NHSL1: variants seen among roughly 807,000 people sequenced by gnomAD.
NHSL1 encodes NHS like 1.
In NHSL1, 48 loss-of-function variants were observed where a neutral mutation model predicts 95.0. The observed-to-expected ratio is 0.51, with a 90% confidence interval of 0.40 to 0.64. The LOEUF (loss-of-function observed/expected upper bound fraction) is 0.64, where lower values mean the gene tolerates loss of function less well. Among genes scored for constraint, NHSL1 ranks in the 30% least tolerant of loss-of-function variants. NHSL1 has a pLI of 0.00. For synonymous variants in NHSL1, 783 were observed against 833.9 expected (o/e 0.94, Z 1.05); for missense variants, 1,971 against 2,077.7 (o/e 0.95, Z 1.00).
Position 138,473,159 on chromosome 6 carries a change from C to T in NHSL1, c.339+147G>A, listed in dbSNP as rs561683644. The T allele has an allele frequency of 8.1e-6, 5 of 616,860 alleles. No individual in the cohort carries two copies. In the East Asian group the frequency reaches 1.0e-4, roughly 13 times the overall value. The allele number at this position is 616,860 out of a possible 1,614,324, so 38.2% of individuals were successfully genotyped here. A position where few individuals can be genotyped will look rare whatever the true frequency, so the allele number is the denominator to read the frequency against. ...TTATGTTACTCTTACATAATTATGG[C>T]GCATTTGTCAAAACCAAGAAATTCA... On this transcript the variant is annotated intron_variant, in intron 3 of 7. Coordinates refer to ENST00000343505, the MANE Select transcript of NHSL1 (RefSeq NM_001144060.2).
intron 1 of NHSL1, among the ~76,000 whole-genome samples, chr6:138,579,766 TA>T (rs1355267355): frequency 6.6e-6 from 1 of 152,244 alleles, no homozygotes; most frequent in African/African-American, 2.4e-5. Flanking sequence ...AGTAGATGTT[TA>T]AAAAATTACA....
intron 4 of NHSL1, among the ~76,000 whole-genome samples, chr6:138,444,108 T>C (rs1776706869): frequency 6.6e-6 from 1 of 152,170 alleles, no homozygotes; most frequent in South Asian, 2.1e-4. Flanking sequence ...AAAGCAGTTA[T>C]TCAATAAATA....
rs1469178696 is a variant in NHSL1 at position 138,692,176 on chromosome 6, CCAAA to C, written c.96+296_96+299del. ...TCTGTCTACAGCGCCCCGGGGTCTC[CCAAA>C]CAGACAGACACAGACAGACAGAAGG... On this transcript the variant is annotated intron_variant, in intron 1 of 3. Transcript: ENST00000491526. This position sits in a 1 kb window ranked among gnomAD's most constrained non-coding sequence, Gnocchi z 4.0. 1.1e-5 allele frequency: 5 copies of C among 456,632 alleles called. No individual in the cohort carries two copies. The highest frequency in any genetic ancestry group is 1.8e-5 in the Non-Finnish European group (4 of 226,980). The allele number at this position is 456,632 out of a possible 1,614,324, so 28.3% of individuals were successfully genotyped here. A position where few individuals can be genotyped will look rare whatever the true frequency, so the allele number is the denominator to read the frequency against.
chr6:138,497,415 G>A (rs1780419407), intron 1 of NHSL1, among the ~76,000 whole-genome samples: 1 of 152,196 alleles, frequency 6.6e-6, no homozygotes, highest in Non-Finnish European at 1.5e-5. Flanking sequence ...TTGTGAGTGA[G>A]GAGCAAGTCT....
Position 138,432,017 on chromosome 6 carries a change from G to A in NHSL1, c.2328C>T (p.Tyr776=). 6.4e-7 allele frequency: 1 copy of A among 1,551,712 alleles called. No individual in the cohort carries two copies. The highest frequency in any genetic ancestry group is 2.4e-5 in the East Asian group (1 of 40,908). ...QSDTSSVKSE[Y]TDPWGYYIDY... ...CAATGTAATAACCCCAGGGGTCCGT[G>A]TACTCTGACTTGACGCTGCTTGTGT... The change falls in exon 6 of 8, where the codon TAC becomes TAT. Residue 776 remains tyrosine, a synonymous_variant. Transcript: ENST00000343505. This position sits in a 1 kb window ranked among gnomAD's most constrained non-coding sequence, Gnocchi z 4.4.
intron 2 of NHSL1, among the ~76,000 whole-genome samples, chr6:138,480,885 G>C (rs1779378931): frequency 1.3e-5 from 2 of 152,152 alleles, no homozygotes; most frequent in South Asian, 2.1e-4. Flanking sequence ...TACCTGATTT[G>C]TGTTTACAAT....
At chr6:138,636,242 A>G (rs551483665) in intron 1 of NHSL1, among the ~76,000 whole-genome samples, 3 of 152,270 alleles carry the variant, frequency 2.0e-5, no homozygotes, top group African/African-American at 7.2e-5. Context: ...CACCTTCAAA[A>G]AAACTCGGTA....
rs774540847 is a variant in NHSL1 at position 138,432,576 on chromosome 6, G to A, written c.1769C>T (p.Thr590Met). 1.2e-5 allele frequency: 19 copies of A among 1,551,594 alleles called. No individual in the cohort carries two copies. The highest frequency in any genetic ancestry group is 2.4e-5 in the East Asian group (1 of 40,914). Residue 590 changes from threonine (T) to methionine (M), a missense_variant, in exon 6 of 8, where the codon ACG (threonine) becomes ATG (methionine). Coordinates refer to ENST00000343505, the MANE Select transcript of NHSL1 (RefSeq NM_001144060.2). The surrounding 1 kb of genome is among the most constrained non-coding windows in gnomAD (Gnocchi z 4.4). ...CGACCCAGCATCCTCTTTGTTGGACGTTTGGTCCAAACTGCAGCTGCTCAT... is the reference window on the plus strand; with the variant it reads ...CGACCCAGCATCCTCTTTGTTGGACATTTGGTCCAAACTGCAGCTGCTCAT... ...SNMSSCSLDQTSNKEDAGSLY... is the reference protein window; with the variant it reads ...SNMSSCSLDQMSNKEDAGSLY...
intron 4 of NHSL1, among the ~76,000 whole-genome samples, chr6:138,444,472 C>T (rs533074397): frequency 6.6e-5 from 10 of 152,142 alleles, no homozygotes; most frequent in African/African-American, 1.7e-4. Context: ...CGAGTGCCCA[C>T]AAGACTATAA....
At chr6:138,623,528 ATATT>A (rs550339294) in intron 1 of NHSL1, among the ~76,000 whole-genome samples, 193 of 152,302 alleles carry the variant, frequency 1.3e-3, no homozygotes, top group African/African-American at 4.5e-3. Flanking sequence ...TGTGGTGAGA[ATATT>A]TAAAGGTCTA....
rs556235363 is a variant in NHSL1 at position 138,480,554 on chromosome 6, G to C, written c.212-7121C>G. 9.9e-5 allele frequency among the ~76,000 whole-genome samples: 15 copies of C among 152,224 alleles called. No individual in the cohort carries two copies. The South Asian group carries it at 3.1e-3, about 32-fold the overall frequency. ...TGACGTGTATGAGTATGAGCTCCTA[G>C]GAAAGTTTTGAAACATTCAGGTCAA... is the stretch of plus-strand genomic sequence containing the variant. On this transcript the variant is annotated intron_variant, in intron 2 of 7. Coordinates refer to ENST00000343505, the MANE Select transcript of NHSL1 (RefSeq NM_001144060.2).
intron 1 of NHSL1, among the ~76,000 whole-genome samples, chr6:138,611,465 A>G (rs34350126): frequency 2.1e-3 from 316 of 152,306 alleles, no homozygotes; most frequent in Non-Finnish European, 3.6e-3. Context: ...AAAGGCTGCC[A>G]TGCCACCACG....
At chr6:138,461,073 GC>G (rs1169480586) in intron 3 of NHSL1, among the ~76,000 whole-genome samples, 5 of 152,072 alleles carry the variant, frequency 3.3e-5, no homozygotes. Context: ...TTGAGACCAG[GC>G]CCAATGTTTT....
chr6:138,602,642 C>T (rs994426433), intron 1 of NHSL1, among the ~76,000 whole-genome samples: 1 of 152,100 alleles, frequency 6.6e-6, no homozygotes, highest in African/African-American at 2.4e-5. Flanking sequence ...CATGCCCAGC[C>T]GGTTATTGTA....
rs1314588816 is a variant in NHSL1, at chr6:138,602,672, T to A, written c.96+89804A>T. Reference sequence around the variant, plus strand: ...ATTGTATTTTTAATTTCAGTTTCCATGGAAATGCAAATTTTGTTAGATTTA... The same window carrying A: ...ATTGTATTTTTAATTTCAGTTTCCAAGGAAATGCAAATTTTGTTAGATTTA... On this transcript the variant is annotated intron_variant, in intron 1 of 3. Transcript: ENST00000491526. 3.9e-5 allele frequency among the ~76,000 whole-genome samples: 6 copies of A among 152,204 alleles called. No individual in the cohort carries two copies. The East Asian group carries it at 1.2e-3, about 29-fold the overall frequency.
At chr6:138,571,808 G>C (rs1314856960) in exon 1 of NHSL1, 1 of 1,552,160 alleles carries the variant, frequency 6.4e-7, no homozygotes, top group South Asian at 1.2e-5. Context: ...CAGCCTCTTT[G>C]TCTGCCTGGA....
chr6:138,476,186 C>A (rs1474645503), intron 2 of NHSL1, among the ~76,000 whole-genome samples: 4 of 152,120 alleles, frequency 2.6e-5, no homozygotes, highest in Admixed American at 6.5e-5. Flanking sequence ...AAAAAAGATA[C>A]CTGCACTCAT....
At chr6:138,523,557 C>T (rs1393770474) in intron 1 of NHSL1, among the ~76,000 whole-genome samples, 3 of 143,790 alleles carry the variant, frequency 2.1e-5, no homozygotes, top group Non-Finnish European at 4.5e-5. Context: ...CATCTTCCCG[C>T]TTTGGCGTCC....
At chr6:138,426,233 G>A (rs186757563) in intron 7 of NHSL1, among the ~76,000 whole-genome samples, 2 of 152,348 alleles carry the variant, frequency 1.3e-5, no homozygotes, top group Admixed American at 1.3e-4. Flanking sequence ...AGCAGGGAAA[G>A]GTTGAGAGTA....
Sources: gnomAD v4.1 joint callset for allele counts (sites outside exome capture counted in the v4.1 genomes callset) on GRCh38, gnomAD v4.1.1 for gene constraint, Gnocchi (gnomAD v3.1) non-coding constraint, MANE v1.5 for transcripts, NCBI Gene and HGNC (gene_info 2026-07-23, HGNC 2026-07-21) for gene names.